The following RPS19 variants were observed in gnomAD, a reference collection of about 807,000 sequenced individuals.
RPS19 encodes the protein ribosomal protein S19.
Under a neutral mutation model 20.3 loss-of-function variants are expected in RPS19, and 1 was observed. That is an observed-to-expected ratio of 0.05 (90% CI 0.02 to 0.23). The LOEUF (loss-of-function observed/expected upper bound fraction) is 0.23. Among genes scored for constraint, RPS19 ranks in the 10% least tolerant of loss-of-function variants. RPS19 has a pLI of 1.00. For missense variants in RPS19, 111 were observed against 192.7 expected, an observed-to-expected ratio of 0.58 and a Z score of 2.51; for synonymous variants, 87 against 74.8, an observed-to-expected ratio of 1.16 and a Z score of -0.84.
intron 3 of RPS19, among the ~76,000 whole-genome samples, chr19:41,865,843 A>G (rs1555840338): frequency 6.9e-6 from 1 of 144,628 alleles, no homozygotes; most frequent in Non-Finnish European, 1.5e-5. Flanking sequence ...CAGTTACTGT[A>G]GAGGCTGAGG....
rs2123285978 is a variant in RPS19 at position 41,869,753 on chromosome 19, G to T, written c.411G>T (p.Gln137His). 1 of 1,614,142 alleles carries T rather than the reference G, an allele frequency of 6.2e-7. No homozygotes were observed. The highest frequency in any genetic ancestry group is 1.6e-4 in the Middle Eastern group (1 of 6,062). The change falls in exon 5 of 6, where the codon CAG becomes CAT. Residue 137 changes from glutamine to histidine, a missense_variant and splice_region_variant. Transcript: ENST00000598742. ...GQRDLDRIAG[Q>H]VAAANKKH ...GAGATCTGGACAGAATCGCCGGACAGGTAAGGCCTGCGTTTGGGGTGGGGC... is the reference window on the plus strand; with the variant it reads ...GAGATCTGGACAGAATCGCCGGACATGTAAGGCCTGCGTTTGGGGTGGGGC...
intron 3 of RPS19, among the ~76,000 whole-genome samples, chr19:41,868,454 G>A (rs1555841132): frequency 6.6e-6 from 1 of 152,206 alleles, no homozygotes; most frequent in African/African-American, 2.4e-5. Flanking sequence ...TAATAGAAGC[G>A]TGCAAGCGTT....
In RPS19 at chr19:41,871,420, T is replaced by C. The variant is rs201428944; in HGVS notation, c.*43T>C. 3 of 1,589,384 alleles carry C rather than the reference T, an allele frequency of 1.9e-6. No homozygotes were observed. The highest frequency in any genetic ancestry group is 1.9e-4 in the Middle Eastern group (1 of 5,374). On this transcript the variant is annotated 3_prime_UTR_variant, in exon 6 of 6. Transcript: ENST00000598742. Reference sequence around the variant, plus strand: ...TAATAAATTGCCTCATTCGTAATCCTGGTCTGGGTCTCTTTTTTGAGTCTC... The same window carrying C: ...TAATAAATTGCCTCATTCGTAATCCCGGTCTGGGTCTCTTTTTTGAGTCTC...
At chr19:41,869,871 G>C (rs546880155) in intron 5 of RPS19, 118 bp downstream of exon 5, 2 of 1,090,722 alleles carry the variant, frequency 1.8e-6, no homozygotes, top group Non-Finnish European at 2.8e-6. Context: ...CCAGGGTGCT[G>C]GTGGGGTCAG....
chr19:41,864,797 C>A (rs2074067833), intron 3 of RPS19: 1 of 152,202 alleles, frequency 6.6e-6, no homozygotes, highest in Admixed American at 6.5e-5. Flanking sequence ...GCAACTTGCT[C>A]GCAATTGGCC....
In RPS19 at chr19:41,872,187, C is replaced by T. The variant is rs2074156154; in HGVS notation, c.*810C>T. ...GTGGCCTCCGCCCATGATTGGGCAC[C>T]TGGTCAGGCTGGGAGATCCAAATAG... On this transcript the variant is annotated 3_prime_UTR_variant, in exon 6 of 6. Transcript: ENST00000598742. The T allele has an allele frequency of 6.6e-6, 1 of 152,300 alleles. No homozygotes were observed. Among genetic ancestry groups the T allele is most frequent in the Non-Finnish European group, 1.5e-5 (1 of 68,074 alleles). 9.4% of individuals were successfully genotyped at this position (152,300 alleles called of 1,614,324 possible).
intron 3 of RPS19, among the ~76,000 whole-genome samples, chr19:41,868,295 G>A (rs2074109793): frequency 6.6e-6 from 1 of 152,210 alleles, no homozygotes; most frequent in Admixed American, 6.5e-5. Flanking sequence ...GAGCCAGTGA[G>A]TACCCTCTGG....
At chr19:41,864,409 C>A (rs557770540) in intron 3 of RPS19, 1 of 152,344 alleles carries the variant, frequency 6.6e-6, no homozygotes, top group Non-Finnish European at 1.5e-5. Context: ...TGGTTTCTTA[C>A]AAGTTCGGCA....
chr19:41,861,504 C>T (rs1344755944), intron 3 of RPS19: 2 of 421,844 alleles, frequency 4.7e-6, no homozygotes, highest in South Asian at 2.1e-5. Flanking sequence ...TCTATATACA[C>T]GGAGGCAGAC....
intron 3 of RPS19, among the ~76,000 whole-genome samples, chr19:41,862,897 C>T (rs2074046936): frequency 6.6e-6 from 1 of 152,148 alleles, no homozygotes; most frequent in South Asian, 2.1e-4. Flanking sequence ...GTGTGGTAGA[C>T]CAGAGGCCTG....
intron 4 of RPS19, 93 bp downstream of exon 4, chr19:41,869,307 C>T: frequency 8.6e-7 from 1 of 1,165,720 alleles, no homozygotes; most frequent in Non-Finnish European, 1.2e-6. Flanking sequence ...CTGCCCAGCC[C>T]CTCAGGCCCC....
chr19:41,860,875 G>C (rs781842550), intron 2 of RPS19, 30 bp downstream of exon 2: 2 of 1,589,810 alleles, frequency 1.3e-6, no homozygotes, highest in Non-Finnish European at 1.7e-6. Flanking sequence ...TTCAAAACGG[G>C]TGGAGGCTGT....
chr19:41,863,860 T>TG (rs1203957240), intron 3 of RPS19: 1 of 150,478 alleles, frequency 6.6e-6, no homozygotes, highest in Non-Finnish European at 1.5e-5. Context: ...TTTTTTTTTT[T>TG]TTTTAAACAG....
chr19:41,861,539 A>G, intron 3 of RPS19: 1 of 383,346 alleles, frequency 2.6e-6, no homozygotes, highest in Non-Finnish European at 5.0e-6. Flanking sequence ...TCCATCTTTT[A>G]CATCTGGCTG....
intron 3 of RPS19, among the ~76,000 whole-genome samples, chr19:41,867,697 T>G (rs1555840998): frequency 6.6e-6 from 1 of 152,018 alleles, no homozygotes; most frequent in Non-Finnish European, 1.5e-5. Context: ...CCCAGCTACT[T>G]AGGAGGCTGA....
rs1249007580 is a variant in RPS19, at chr19:41,872,605, T to G, written c.*1228T>G. 6.6e-6 allele frequency: 1 copy of G among 152,244 alleles called. No homozygotes were observed. The highest frequency in any genetic ancestry group is 1.5e-5 in the Non-Finnish European group (1 of 68,080). 9.4% of individuals were successfully genotyped at this position (152,244 alleles called of 1,614,324 possible). A position where few individuals can be genotyped will look rare whatever the true frequency, so the allele number is the denominator to read the frequency against. ...TCCCCAAACGTAAGGCGTAAGAGTT[T>G]AAGAAGTATCGGCCAGGCACAGTGG... On this transcript the variant is annotated 3_prime_UTR_variant, in exon 6 of 6. Transcript: ENST00000598742.
chr19:41,861,997 C>A (rs76862093), intron 3 of RPS19, among the ~76,000 whole-genome samples: 3,493 of 152,010 alleles, frequency 0.023, 143 homozygotes, highest in African/African-American at 0.078. Flanking sequence ...GGTGGCAGTG[C>A]CGTGTTATGT....
At chr19:41,870,845 CTTCCTTTTTTT>C (rs2074139609) in intron 5 of RPS19, among the ~76,000 whole-genome samples, 1 of 112,856 alleles carries the variant, frequency 8.9e-6, no homozygotes, top group African/African-American at 3.3e-5. Context: ...CCGCCACTCC[CTTCCTTTTTTT>C]TTTTTTTTTT....
chr19:41,861,057 TGG>T (rs2074025466), intron 2 of RPS19, 53 bp from the exon 3 acceptor site: 1 of 1,355,302 alleles, frequency 7.4e-7, no homozygotes, highest in East Asian at 2.3e-5. Flanking sequence ...ATTTGGGATA[TGG>T]GGTAGTTTGT....
Sources: allele counts gnomAD v4.1 joint callset (sites outside exome capture counted in the v4.1 genomes callset), GRCh38; gene constraint gnomAD v4.1.1; transcripts MANE v1.5; gene names NCBI Gene and HGNC (gene_info 2026-07-23, HGNC 2026-07-21).